The following CSMD1 variants were observed in gnomAD, a reference collection of about 807,000 sequenced individuals.
CSMD1 encodes the protein CUB and Sushi multiple domains 1.
A neutral mutation model predicts 417.5 loss-of-function variants in CSMD1; 213 were observed. The ratio of observed to expected loss-of-function variants is 0.51; its 90% CI spans 0.46 to 0.57. The LOEUF (loss-of-function observed/expected upper bound fraction) is 0.57, where lower values mean the gene tolerates loss of function less well. Among genes scored for constraint, CSMD1 ranks in the 20% least tolerant of loss-of-function variants. The probability of loss-of-function intolerance (pLI) is 0.00; values close to 1 mark genes in which losing one functional copy is unlikely to be tolerated. For synonymous variants in CSMD1, 2,862 were observed against 1,736.8 expected (o/e 1.65, Z -16.11); for missense variants, 6,923 against 4,529.7 (o/e 1.53, Z -15.17).
chr8:4,160,232 A>G (rs374703157), intron 3 of CSMD1, among the ~76,000 whole-genome samples: 87 of 152,280 alleles, frequency 5.7e-4, no homozygotes, highest in African/African-American at 1.9e-3. Flanking sequence ...TGTTCTTTCT[A>G]AAGTCTAACT....
intron 7 of CSMD1, among the ~76,000 whole-genome samples, chr8:3,665,508 G>A (rs970382841): frequency 4.6e-5 from 7 of 152,212 alleles, no homozygotes; most frequent in East Asian, 1.9e-4. Context: ...CAGCCTGGGC[G>A]ACAGAGCGAG....
In CSMD1 at chr8:4,111,475, T is replaced by C. The variant is rs147996923; in HGVS notation, c.416-79376A>G. 1.4e-3 allele frequency among the ~76,000 whole-genome samples: 211 copies of C among 152,326 alleles called. 3 individuals are homozygous for C. In the East Asian group the frequency reaches 0.026, roughly 19 times the overall value. ...TGGGAAAAGCACATGCACGAGTATG[T>C]TCATTGCAGCACTATCCACAATAGC... On this transcript the variant is annotated intron_variant, in intron 3 of 69. Coordinates refer to ENST00000635120, the MANE Select transcript of CSMD1 (RefSeq NM_033225.6).
At chr8:3,284,493 G>A in intron 25 of CSMD1, 147 bp from the exon 26 acceptor site, 2 of 641,110 alleles carry the variant, frequency 3.1e-6, no homozygotes, top group East Asian at 2.7e-5. Context: ...GAAGGATGAG[G>A]AAAATGAGGC....
chr8:3,307,110 A>G (rs994064920), intron 25 of CSMD1, among the ~76,000 whole-genome samples: 5 of 152,166 alleles, frequency 3.3e-5, no homozygotes, highest in African/African-American at 1.2e-4. Flanking sequence ...TCTTCCTATT[A>G]AAAGAACAGT....
At chr8:3,929,189 A>G (rs1192155683) in intron 5 of CSMD1, among the ~76,000 whole-genome samples, 1 of 150,282 alleles carries the variant, frequency 6.7e-6, no homozygotes, top group East Asian at 1.9e-4. Flanking sequence ...AGGCTGAGGA[A>G]AGCTCTTGCC....
chr8:3,634,336 G>C (rs563118054), intron 7 of CSMD1, among the ~76,000 whole-genome samples: 9 of 152,184 alleles, frequency 5.9e-5, no homozygotes, highest in African/African-American at 1.9e-4. Context: ...CAGCATGCCT[G>C]TGTGACACTC....
chr8:4,309,760 G>C (rs140706291), intron 3 of CSMD1, among the ~76,000 whole-genome samples: 1 of 152,016 alleles, frequency 6.6e-6, no homozygotes, highest in Non-Finnish European at 1.5e-5. Context: ...TGATATTAAC[G>C]TTTTACTAGA....
chr8:4,983,980 G>C (rs544721436), intron 1 of CSMD1, among the ~76,000 whole-genome samples: 1 of 152,252 alleles, frequency 6.6e-6, no homozygotes, highest in Non-Finnish European at 1.5e-5. Context: ...TACCTGGCCT[G>C]GCTGAATTGG....
intron 1 of CSMD1, among the ~76,000 whole-genome samples, chr8:4,759,744 T>C (rs952937841): frequency 1.3e-5 from 2 of 152,202 alleles, no homozygotes; most frequent in African/African-American, 2.4e-5. Context: ...AGACAAGATC[T>C]CATTCATTTT....
intron 3 of CSMD1, among the ~76,000 whole-genome samples, chr8:4,295,403 T>C (rs1411153243): frequency 1.4e-5 from 2 of 144,910 alleles, no homozygotes; most frequent in African/African-American, 2.5e-5. Flanking sequence ...CTTAAGATTA[T>C]ATAATCTTAT....
At chr8:3,671,006 GAT>G (rs879943974) in intron 7 of CSMD1, among the ~76,000 whole-genome samples, 34,600 of 97,582 alleles carry the variant, frequency 0.35, 7,627 homozygotes, top group Admixed American at 0.44. Context: ...ATATGTATGG[GAT>G]ATATATGTAT....
rs116802077 is a variant in CSMD1 at position 4,636,756 on chromosome 8, G to C, written c.302+586C>G. On this transcript the variant is annotated intron_variant, in intron 2 of 69. Coordinates refer to ENST00000635120, the MANE Select transcript of CSMD1 (RefSeq NM_033225.6). ...ATGCACAATTTGCCACAAGTTGATA[G>C]ACTTCAAGTTTTCTGTATAGTAACT... 8.1e-3 allele frequency among the ~76,000 whole-genome samples: 1,234 copies of C among 152,262 alleles called. 10 individuals carry two copies. The highest frequency in any genetic ancestry group is 0.031 in the Middle Eastern group (9 of 294).
intron 5 of CSMD1, among the ~76,000 whole-genome samples, chr8:3,844,261 G>T (rs79026441): frequency 0.062 from 9,502 of 152,168 alleles, 877 homozygotes; most frequent in African/African-American, 0.2. Context: ...AGTTCCTGAC[G>T]GATGGGTGGG....
At chr8:4,195,295 A>C (rs554095070) in intron 3 of CSMD1, among the ~76,000 whole-genome samples, 1 of 152,170 alleles carries the variant, frequency 6.6e-6, no homozygotes, top group Non-Finnish European at 1.5e-5. Context: ...TTCCACAATC[A>C]TAATATTAAT....
chr8:3,475,747 A>C (rs1817368940), intron 11 of CSMD1, among the ~76,000 whole-genome samples: 1 of 152,212 alleles, frequency 6.6e-6, no homozygotes, highest in African/African-American at 2.4e-5. Flanking sequence ...TCCAATTTCA[A>C]GTATGTGAAG....
chr8:4,079,646 C>G (rs1175583206), intron 3 of CSMD1, among the ~76,000 whole-genome samples: 1 of 152,234 alleles, frequency 6.6e-6, no homozygotes, highest in African/African-American at 2.4e-5. Context: ...TACACAGACA[C>G]ATTGTTTCAG....
intron 5 of CSMD1, among the ~76,000 whole-genome samples, chr8:3,966,965 G>T (rs1812717830): frequency 6.6e-6 from 1 of 152,150 alleles, no homozygotes; most frequent in Non-Finnish European, 1.5e-5. Flanking sequence ...TCTCCATTCT[G>T]TTTTCAGGAG....
At chr8:3,514,147 G>A (rs918280961) in intron 10 of CSMD1, among the ~76,000 whole-genome samples, 6 of 152,146 alleles carry the variant, frequency 3.9e-5, no homozygotes, top group Non-Finnish European at 8.8e-5. Context: ...AATCACTTCT[G>A]TCTCCCAGGA....
intron 10 of CSMD1, among the ~76,000 whole-genome samples, chr8:3,525,866 A>T (rs1797732100): frequency 6.6e-6 from 1 of 152,108 alleles, no homozygotes; most frequent in Non-Finnish European, 1.5e-5. Context: ...CCCATTAGAA[A>T]ATGTTATTAA....
Sources: gnomAD v4.1 joint callset for allele counts (sites outside exome capture counted in the v4.1 genomes callset) on GRCh38, gnomAD v4.1.1 for gene constraint, MANE v1.5 for transcripts, NCBI Gene and HGNC (gene_info 2026-07-23, HGNC 2026-07-21) for gene names.